Variants in EPM2A observed in about 807,000 individuals in gnomAD.
The protein encoded by EPM2A is laforin.
A neutral mutation model predicts 26.5 loss-of-function variants in EPM2A; 21 were observed. The observed-to-expected ratio is 0.79, with a 90% confidence interval of 0.56 to 1.14. The LOEUF is 1.14. EPM2A is among the 50% of genes most tolerant of loss of function. The probability of loss-of-function intolerance (pLI) is 0.00; values close to 1 mark genes in which losing one functional copy is unlikely to be tolerated. For missense variants in EPM2A, 458 were observed against 440.8 expected (o/e 1.04, Z -0.35); for synonymous variants, 217 against 177.6 (o/e 1.22, Z -1.76).
chr6:145,547,270 C>A (rs1317636881), intron 2 of EPM2A, among the ~76,000 whole-genome samples: 1 of 152,116 alleles, frequency 6.6e-6, no homozygotes, highest in Non-Finnish European at 1.5e-5. Context: ...CTCAGATGTA[C>A]TGTACCCACT....
intron 2 of EPM2A, among the ~76,000 whole-genome samples, chr6:145,522,166 ATGGTCTCGATC>A (rs1211215957): frequency 6.6e-6 from 1 of 152,012 alleles, no homozygotes; most frequent in Admixed American, 6.6e-5. Context: ...GTTAGCCAGG[ATGGTCTCGATC>A]TCCTGACTTC....
At chr6:145,392,553 C>A (rs1778351956) in intron 4 of EPM2A, among the ~76,000 whole-genome samples, 1 of 152,134 alleles carries the variant, frequency 6.6e-6, no homozygotes, top group Non-Finnish European at 1.5e-5. Context: ...ACCCCTCCAA[C>A]CCTTCTCCTT....
At chr6:145,507,433 C>A (rs1779991674) in intron 2 of EPM2A, among the ~76,000 whole-genome samples, 1 of 152,184 alleles carries the variant, frequency 6.6e-6, no homozygotes, top group African/African-American at 2.4e-5. Context: ...CAGTCAGTCT[C>A]CCTTGGTGAT....
chr6:145,570,013 C>T (rs778565076), intron 2 of EPM2A, among the ~76,000 whole-genome samples: 13 of 152,112 alleles, frequency 8.5e-5, no homozygotes, highest in Non-Finnish European at 1.5e-4. Context: ...CATCCAACAC[C>T]GGAGAAAGAT....
Position 145,627,466 on chromosome 6 carries a change from C to A in EPM2A, c.946G>T (p.Asp316Tyr). The change falls in exon 4 of 4, where the codon GAT becomes TAT. Residue 316 changes from aspartate (D) to tyrosine (Y), a missense_variant. Coordinates refer to ENST00000367519, the MANE Select transcript of EPM2A (RefSeq NM_005670.4). The stretch of plus-strand genomic sequence containing the variant: ...ACCTTCCCAAATTTCTGGAAAAAAT[C>A]TTCTTGTGCCCGGGCCAAGGCCTCT... The part of the protein sequence containing the change: ...DEEALARAQE[D>Y]FFQKFGKVRS... 1 of 1,614,260 alleles carries A rather than the reference C, an allele frequency of 6.2e-7. No homozygotes were observed. The highest frequency in any genetic ancestry group is 1.7e-5 in the Admixed American group (1 of 60,036).
At chr6:145,682,206 T>TG (rs1306229348) in intron 2 of EPM2A, among the ~76,000 whole-genome samples, 37 of 152,174 alleles carry the variant, frequency 2.4e-4, no homozygotes, top group Admixed American at 5.9e-4. Context: ...AGAGAGAGCA[T>TG]GTGCAGGGAA....
chr6:145,398,364 T>C (rs555266840), intron 4 of EPM2A, among the ~76,000 whole-genome samples: 48 of 151,070 alleles, frequency 3.2e-4, no homozygotes, highest in African/African-American at 1.1e-3. Context: ...TGGTTTGAAT[T>C]TTTAAATAGA....
At chr6:145,535,415 G>T (rs1384129852) in intron 2 of EPM2A, among the ~76,000 whole-genome samples, 1 of 152,116 alleles carries the variant, frequency 6.6e-6, no homozygotes, top group African/African-American at 2.4e-5. Context: ...TACATTGAAA[G>T]GTTATAATTT....
intron 2 of EPM2A, among the ~76,000 whole-genome samples, chr6:145,665,976 A>T (rs1779151755): frequency 2.0e-5 from 3 of 148,218 alleles, no homozygotes; most frequent in Admixed American, 2.0e-4. Flanking sequence ...CCTTCATGCT[A>T]AAAACTCTCA....
intron 2 of EPM2A, among the ~76,000 whole-genome samples, chr6:145,617,002 G>T (rs934968457): frequency 6.6e-6 from 1 of 152,116 alleles, no homozygotes; most frequent in Non-Finnish European, 1.5e-5. Flanking sequence ...GGTGACTGCT[G>T]GGAGGGCATC....
chr6:145,449,634 C>G (rs1779171460), intron 4 of EPM2A, among the ~76,000 whole-genome samples: 1 of 152,208 alleles, frequency 6.6e-6, no homozygotes, highest in Non-Finnish European at 1.5e-5. Context: ...CTAATTAGCA[C>G]TTGAGCAGGT....
chr6:145,466,436 A>C (rs1431188129), intron 4 of EPM2A, among the ~76,000 whole-genome samples: 52 of 152,198 alleles, frequency 3.4e-4, no homozygotes, highest in African/African-American at 1.2e-3. Flanking sequence ...ATCAAAACCA[A>C]AATGAGATAC....
intron 2 of EPM2A, among the ~76,000 whole-genome samples, chr6:145,642,671 G>A (rs577316013): frequency 4.2e-4 from 64 of 152,262 alleles, no homozygotes; most frequent in African/African-American, 1.5e-3. Flanking sequence ...AGACAGGAAG[G>A]TGCTCTCTGA....
intron 2 of EPM2A, among the ~76,000 whole-genome samples, chr6:145,508,575 A>G (rs1016797432): frequency 4.3e-5 from 2 of 46,118 alleles, no homozygotes; most frequent in African/African-American, 1.4e-4. Flanking sequence ...AATAACAATA[A>G]AAAAATCAAC....
At chr6:145,668,164 T>TG (rs1554261131) in intron 2 of EPM2A, among the ~76,000 whole-genome samples, 125 of 146,126 alleles carry the variant, frequency 8.6e-4, no homozygotes, top group Non-Finnish European at 1.6e-3. Context: ...TAAAGTATAA[T>TG]AAAAAAAAAA....
rs138186021 is a variant in EPM2A at position 145,669,848 on chromosome 6, C to T, written c.476+16274G>A. The stretch of plus-strand genomic sequence containing the variant: ...TTCATGAGTCAGTACATTTATATTC[C>T]ATTAGTCACCCAGTCCATGTATCTC... On this transcript the variant is annotated intron_variant, in intron 2 of 3. Transcript: ENST00000367519. 1.5e-4 allele frequency among the ~76,000 whole-genome samples: 23 copies of T among 152,262 alleles called. No homozygotes were observed. In the East Asian group the frequency reaches 4.4e-3, roughly 29 times the overall value.
chr6:145,455,222 A>C (rs985122297), intron 4 of EPM2A, among the ~76,000 whole-genome samples: 2 of 152,112 alleles, frequency 1.3e-5, no homozygotes, highest in South Asian at 4.1e-4. Flanking sequence ...AATATATATT[A>C]AATTTTGATA....
At chr6:145,712,984 C>T (rs1562513764) in intron 1 of EPM2A, among the ~76,000 whole-genome samples, 3 of 152,194 alleles carry the variant, frequency 2.0e-5, no homozygotes, top group Non-Finnish European at 4.4e-5. Context: ...TAGGGATAGA[C>T]TAATAGCTGC....
chr6:145,514,909 T>C (rs1014488490), intron 2 of EPM2A, among the ~76,000 whole-genome samples: 1 of 152,192 alleles, frequency 6.6e-6, no homozygotes, highest in African/African-American at 2.4e-5. Flanking sequence ...TACTCCTACC[T>C]ATGTCACCTA....
Sources: allele counts gnomAD v4.1 joint callset (sites outside exome capture counted in the v4.1 genomes callset), GRCh38; gene constraint gnomAD v4.1.1; transcripts MANE v1.5; gene names NCBI Gene and HGNC (gene_info 2026-07-23, HGNC 2026-07-21).